Variants in MBD5 observed in about 807,000 individuals in gnomAD.
MBD5 encodes methyl-CpG binding domain protein 5, also known as methyl-CpG-binding domain protein 5.
Under a neutral mutation model 117.3 loss-of-function variants are expected in MBD5, and 13 were observed. The ratio of observed to expected loss-of-function variants is 0.11; its 90% CI spans 0.07 to 0.18. The LOEUF is 0.18. Among genes scored for constraint, MBD5 ranks in the 10% least tolerant of loss-of-function variants. The probability of loss-of-function intolerance (pLI) is 1.00; values close to 1 mark genes in which losing one functional copy is unlikely to be tolerated. For missense variants in MBD5, 1,879 were observed against 2,093.8 expected (o/e 0.90, Z 2.00); for synonymous variants, 727 against 766.4 (o/e 0.95, Z 0.85).
intron 4 of MBD5, among the ~76,000 whole-genome samples, chr2:148,359,532 G>C (rs1237411633): frequency 1.3e-5 from 2 of 152,024 alleles, no homozygotes; most frequent in African/African-American, 2.4e-5. Context: ...AATGGAGTGT[G>C]ATATGTAAAA....
intron 4 of MBD5, among the ~76,000 whole-genome samples, chr2:148,363,979 T>C (rs560913439): frequency 1.8e-4 from 27 of 152,072 alleles, no homozygotes; most frequent in African/African-American, 6.5e-4. Flanking sequence ...ACATTCAAAT[T>C]CAGGAAATAC....
intron 7 of MBD5, among the ~76,000 whole-genome samples, chr2:148,466,494 T>A (rs929491155): frequency 6.6e-6 from 1 of 152,128 alleles, no homozygotes; most frequent in Non-Finnish European, 1.5e-5. Flanking sequence ...TATAAATACA[T>A]TGATACCCAA....
chr2:148,382,520 C>A (rs1704184662), intron 4 of MBD5, among the ~76,000 whole-genome samples: 1 of 152,004 alleles, frequency 6.6e-6, no homozygotes, highest in African/African-American at 2.4e-5. Context: ...ACTTTAACAC[C>A]CCACTGTCAA....
intron 3 of MBD5, among the ~76,000 whole-genome samples, chr2:148,306,255 G>A (rs1228815470): frequency 6.6e-6 from 1 of 152,072 alleles, no homozygotes; most frequent in Non-Finnish European, 1.5e-5. Context: ...GTAAGAACGG[G>A]AACCCTGTAA....
chr2:148,198,167 T>C (rs544306370), intron 2 of MBD5, among the ~76,000 whole-genome samples: 1 of 152,294 alleles, frequency 6.6e-6, no homozygotes, highest in African/African-American at 2.4e-5. Context: ...TATTAACATT[T>C]TCCTCTTTTT....
At chr2:148,313,389 G>A (rs753922003) in intron 3 of MBD5, among the ~76,000 whole-genome samples, 7 of 152,296 alleles carry the variant, frequency 4.6e-5, no homozygotes, top group South Asian at 2.1e-4. Context: ...TGGCTACAGC[G>A]GCTTTGCCAA....
intron 2 of MBD5, among the ~76,000 whole-genome samples, chr2:148,188,350 A>G (rs1698720164): frequency 6.6e-6 from 1 of 152,186 alleles, no homozygotes; most frequent in Non-Finnish European, 1.5e-5. Flanking sequence ...GATTTAAAAC[A>G]AAGAAATATA....
At chr2:148,167,806 A>G (rs1372301034) in intron 1 of MBD5, among the ~76,000 whole-genome samples, 2 of 152,004 alleles carry the variant, frequency 1.3e-5, no homozygotes, top group Non-Finnish European at 2.9e-5. Flanking sequence ...CAAATCCCAC[A>G]TCTTTTGCTA....
intron 5 of MBD5, among the ~76,000 whole-genome samples, chr2:148,461,858 T>C (rs1004871292): frequency 1.8e-4 from 27 of 152,284 alleles, no homozygotes; most frequent in South Asian, 4.1e-4. Context: ...AACATTGAAG[T>C]ACCTACACGA....
chr2:148,034,471 G>A (rs79391123), intron 1 of MBD5, among the ~76,000 whole-genome samples: 4,826 of 152,200 alleles, frequency 0.032, 103 homozygotes, highest in Middle Eastern at 0.068. Flanking sequence ...TATGATTAAC[G>A]AATGCTGGAT....
chr2:148,339,253 G>A (rs547333153), intron 3 of MBD5, among the ~76,000 whole-genome samples: 2 of 152,088 alleles, frequency 1.3e-5, no homozygotes, highest in Admixed American at 6.5e-5. Context: ...CTCAATACAT[G>A]ATCTAAAAAA....
At chr2:148,174,591 C>A (rs1450058678) in intron 1 of MBD5, among the ~76,000 whole-genome samples, 2 of 151,472 alleles carry the variant, frequency 1.3e-5, no homozygotes, top group East Asian at 3.9e-4. Flanking sequence ...AGCCGAAACA[C>A]CTGAATAGCA....
chr2:148,181,455 A>G (rs2105856700), intron 2 of MBD5, among the ~76,000 whole-genome samples: 1 of 152,318 alleles, frequency 6.6e-6, no homozygotes, highest in East Asian at 1.9e-4. Flanking sequence ...CCCCACATAA[A>G]TACTTTGGTC....
Position 148,469,270 on chromosome 2 carries a change from G to C in MBD5, c.1327G>C (p.Val443Leu). 6.2e-7 allele frequency: 1 copy of C among 1,613,772 alleles called. No homozygotes were observed. Among genetic ancestry groups the C allele is most frequent in the South Asian group, 1.1e-5 (1 of 91,058 alleles). ...GTCCCCTTCTCCAGTGACATCCCCC[G>C]TGCACATGATGGGGACTGGAATTGG... ...SLSPSPVTSP[V>L]HMMGTGIGRI... is the part of the protein sequence containing the mutation. The change falls in exon 8 of 14, where the codon GTG becomes CTG. Residue 443 changes from valine (V) to leucine (L), a missense_variant. Val to Leu is a conservative substitution (Grantham distance 32). Around this residue, in one of 4 missense-constraint regions of MBD5, gnomAD observed 1,666 missense variants for 1,792.2 expected, o/e 0.93. Coordinates refer to ENST00000642680, the MANE Select transcript of MBD5 (RefSeq NM_001378120.1).
At chr2:148,212,384 G>A (rs1250489624) in intron 2 of MBD5, among the ~76,000 whole-genome samples, 2 of 152,142 alleles carry the variant, frequency 1.3e-5, no homozygotes, top group African/African-American at 4.8e-5. Flanking sequence ...AGGCTCATCT[G>A]TGTTGCAGTA....
intron 12 of MBD5, among the ~76,000 whole-genome samples, chr2:148,507,526 G>A (rs534232728): frequency 7.8e-4 from 118 of 151,136 alleles, no homozygotes; most frequent in African/African-American, 2.5e-3. Flanking sequence ...TTGGGAGGCC[G>A]AGGCGGGCAG....
At chr2:148,144,362 A>C (rs927713701) in intron 1 of MBD5, among the ~76,000 whole-genome samples, 8 of 151,904 alleles carry the variant, frequency 5.3e-5, no homozygotes, top group African/African-American at 1.9e-4. Context: ...TTGTCAGATG[A>C]GTAGATTGCA....
intron 4 of MBD5, chr2:148,447,809 T>C (rs934535516): frequency 1.3e-5 from 2 of 152,152 alleles, no homozygotes; most frequent in Admixed American, 6.6e-5. Context: ...TTTACTTATA[T>C]TATTATTCTT....
At chr2:148,089,880 A>T (rs112564633) in intron 1 of MBD5, among the ~76,000 whole-genome samples, 2,286 of 152,162 alleles carry the variant, frequency 0.015, 22 homozygotes, top group Non-Finnish European at 0.023. Flanking sequence ...ACAAAACAAT[A>T]CAAAAGAAAA....
Sources: gnomAD v4.1 joint callset for allele counts (sites outside exome capture counted in the v4.1 genomes callset) on GRCh38, gnomAD v4.1.1 for gene constraint, gnomAD v4.1.1 regional missense constraint, MANE v1.5 for transcripts, NCBI Gene and HGNC (gene_info 2026-07-23, HGNC 2026-07-21) for gene names.